The following SPON1 variants were observed in gnomAD, a reference collection of about 807,000 sequenced individuals.
SPON1 encodes the protein spondin-1.
SPON1 carries 52 observed loss-of-function variants against 111.7 expected under a neutral mutation model. The observed-to-expected ratio is 0.47, with a 90% CI of 0.37 to 0.59. The LOEUF (loss-of-function observed/expected upper bound fraction) is 0.59, where lower values mean the gene tolerates loss of function less well. Among genes scored for constraint, SPON1 ranks in the 20% least tolerant of loss-of-function variants. SPON1 has a pLI of 0.00. For missense variants in SPON1, 957 were observed against 1,068.5 expected (o/e 0.90, Z 1.46); for synonymous variants, 410 against 395.8 (o/e 1.04, Z -0.43).
At chr11:14,223,260 A>G (rs1848700656) in intron 6 of SPON1, among the ~76,000 whole-genome samples, 1 of 152,192 alleles carries the variant, frequency 6.6e-6, no homozygotes, top group Admixed American at 6.5e-5. Context: ...GCTACTTAGG[A>G]GGCTGAAGTA....
intron 6 of SPON1, among the ~76,000 whole-genome samples, chr11:14,229,452 G>A (rs1848771886): frequency 6.6e-6 from 1 of 152,150 alleles, no homozygotes; most frequent in Non-Finnish European, 1.5e-5. Flanking sequence ...GTCAAAAGGT[G>A]GGTCAGGCAG....
chr11:13,965,494 G>A (rs1362758868), intron 1 of SPON1, among the ~76,000 whole-genome samples: 1 of 152,142 alleles, frequency 6.6e-6, no homozygotes, highest in Non-Finnish European at 1.5e-5. Flanking sequence ...AAACGTCCAG[G>A]GCCAGCAGGT....
chr11:14,202,294 G>A (rs186676229), intron 6 of SPON1, among the ~76,000 whole-genome samples: 12 of 152,312 alleles, frequency 7.9e-5, no homozygotes, highest in African/African-American at 2.6e-4. Context: ...GGGAGACGCA[G>A]GACGCTATTT....
chr11:14,194,391 T>C (rs535088742), intron 6 of SPON1, among the ~76,000 whole-genome samples: 3 of 152,220 alleles, frequency 2.0e-5, no homozygotes, highest in Admixed American at 6.5e-5. Flanking sequence ...CAACTCCAAC[T>C]TGAATGGCAA....
intron 7 of SPON1, among the ~76,000 whole-genome samples, chr11:14,243,893 CA>C (rs1848958402): frequency 6.6e-6 from 1 of 152,180 alleles, no homozygotes; most frequent in Non-Finnish European, 1.5e-5. Flanking sequence ...TACCTCCTGC[CA>C]AATGGATGGA....
chr11:14,065,998 G>C (rs1213798760), intron 3 of SPON1, among the ~76,000 whole-genome samples: 1 of 152,150 alleles, frequency 6.6e-6, no homozygotes. Context: ...GGAGAGCCAG[G>C]GAGGTCACCG....
chr11:14,196,595 G>T lies in SPON1; in HGVS notation c.826-46737G>T, dbSNP rs372737958. ...CTTGTTCCTTCATTTCCAACCAGTG[G>T]TCTTTCCACTTTCTCACTTTCACTG... On this transcript the variant is annotated intron_variant, in intron 6 of 15. Transcript: ENST00000576479. Among the ~76,000 whole-genome samples, 4 of 152,178 alleles carry T rather than the reference G, an allele frequency of 2.6e-5. No individual in the cohort carries two copies. The East Asian group carries it at 7.7e-4, about 29-fold the overall frequency.
chr11:14,143,487 G>T (rs1564914553), intron 6 of SPON1, among the ~76,000 whole-genome samples: 2 of 151,960 alleles, frequency 1.3e-5, no homozygotes, highest in Non-Finnish European at 1.5e-5. Context: ...ACTTGGCCCA[G>T]GAGGCAGAGG....
At chr11:14,231,926 G>A (rs1554938785) in intron 6 of SPON1, among the ~76,000 whole-genome samples, 1 of 112,044 alleles carries the variant, frequency 8.9e-6, no homozygotes, top group Non-Finnish European at 2.0e-5. Context: ...GGGTAAGGAT[G>A]GTGGGATTAT....
rs1253791300 is a variant in SPON1, at chr11:14,246,673, G to A, written c.890+3277G>A. Among the ~76,000 whole-genome samples, 7 of 152,132 alleles carry A rather than the reference G, an allele frequency of 4.6e-5. No homozygotes were observed. In the East Asian group the frequency reaches 7.7e-4, roughly 17 times the overall value. On this transcript the variant is annotated intron_variant, in intron 7 of 15. Transcript: ENST00000576479. ...GAGGACTGAAACATCCTTGATAGGA[G>A]GGTCCCCCCAAAAAAAGTCCTGTGA...
At chr11:14,160,498 C>T (rs190120899) in intron 6 of SPON1, among the ~76,000 whole-genome samples, 2,319 of 5,726 alleles carry the variant, frequency 0.4, 693 homozygotes, top group East Asian at 0.7. Context: ...TATATATTTA[C>T]ATATATATAT....
intron 6 of SPON1, among the ~76,000 whole-genome samples, chr11:14,239,653 A>G (rs984053132): frequency 1.2e-4 from 18 of 152,170 alleles, no homozygotes; most frequent in Admixed American, 2.0e-4. Context: ...TGAGCCCGGG[A>G]GGCTGAGCCT....
chr11:13,971,309 A>G (rs534060648), intron 1 of SPON1, among the ~76,000 whole-genome samples: 2 of 152,322 alleles, frequency 1.3e-5, no homozygotes, highest in South Asian at 4.1e-4. Flanking sequence ...GCAGAGCAAC[A>G]GCAGGCAAAA....
chr11:14,075,816 T>G (rs182992713), intron 4 of SPON1, among the ~76,000 whole-genome samples: 22 of 152,116 alleles, frequency 1.4e-4, no homozygotes, highest in African/African-American at 5.1e-4. Flanking sequence ...ACCCAGACAA[T>G]ATGGGAGGAT....
At chr11:14,252,052 A>T (rs1554940706) in intron 7 of SPON1, among the ~76,000 whole-genome samples, 2 of 152,218 alleles carry the variant, frequency 1.3e-5, no homozygotes, top group African/African-American at 2.4e-5. Flanking sequence ...TTGAGACTTG[A>T]AGAGGGTGAG....
intron 6 of SPON1, among the ~76,000 whole-genome samples, chr11:14,167,418 A>G (rs967041547): frequency 1.3e-5 from 2 of 152,098 alleles, no homozygotes; most frequent in East Asian, 3.8e-4. Context: ...TCAGATAGGA[A>G]ACTTAGCCAA....
intron 6 of SPON1, among the ~76,000 whole-genome samples, chr11:14,167,448 G>A (rs1322397881): frequency 6.6e-6 from 1 of 151,988 alleles, no homozygotes; most frequent in Non-Finnish European, 1.5e-5. Context: ...CATGAGGCCA[G>A]CTGAATTTGT....
chr11:14,229,478 CT>C (rs1313984814), intron 6 of SPON1, among the ~76,000 whole-genome samples: 2 of 152,150 alleles, frequency 1.3e-5, no homozygotes, highest in East Asian at 3.9e-4. Context: ...AGAGGTCGCA[CT>C]GACAGAAGCG....
chr11:14,185,281 A>G (rs1254632511), intron 6 of SPON1, among the ~76,000 whole-genome samples: 1 of 152,176 alleles, frequency 6.6e-6, no homozygotes, highest in Non-Finnish European at 1.5e-5. Context: ...ACTATTGGCT[A>G]TAGAGTTTAG....
Sources: gnomAD v4.1 joint callset for allele counts (sites outside exome capture counted in the v4.1 genomes callset) on GRCh38, gnomAD v4.1.1 for gene constraint, MANE v1.5 for transcripts, NCBI Gene and HGNC (gene_info 2026-07-23, HGNC 2026-07-21) for gene names.